The following CEMIP variants were observed in gnomAD, a reference collection of about 807,000 sequenced individuals.
The protein encoded by CEMIP is cell migration-inducing and hyaluronan-binding protein.
CEMIP carries 105 observed loss-of-function variants against 156.9 expected under a neutral mutation model. That is an observed-to-expected ratio of 0.67 (90% CI 0.57 to 0.79). CEMIP has a LOEUF of 0.79. Ranked by LOEUF, CEMIP falls within the 30% of genes least tolerant of loss-of-function variation. The pLI is 0.00. For synonymous variants in CEMIP, 676 were observed against 668.4 expected, an observed-to-expected ratio of 1.01 and a Z score of -0.17; for missense variants, 1,457 against 1,769.4, an observed-to-expected ratio of 0.82 and a Z score of 3.17.
At chr15:80,798,088 T>G (rs1350230431) in intron 1 of CEMIP, among the ~76,000 whole-genome samples, 1 of 152,308 alleles carries the variant, frequency 6.6e-6, no homozygotes. Flanking sequence ...ATATTACACA[T>G]TTTTCCATTA....
intron 9 of CEMIP, 62 bp downstream of exon 9, chr15:80,888,858 T>C (rs986830896): frequency 6.1e-5 from 83 of 1,351,032 alleles, no homozygotes; most frequent in Non-Finnish European, 8.2e-5. Flanking sequence ...GAAATCACTG[T>C]CTTTGCAGAA....
chr15:80,829,038 G>A (rs1027297961), intron 1 of CEMIP, among the ~76,000 whole-genome samples: 1 of 152,206 alleles, frequency 6.6e-6, no homozygotes, highest in African/African-American at 2.4e-5. Context: ...CTCATGCTGG[G>A]GACCCACAGT....
At chr15:80,865,262 A>G (rs1380096249) in intron 1 of CEMIP, among the ~76,000 whole-genome samples, 8 of 151,886 alleles carry the variant, frequency 5.3e-5, no homozygotes, top group Non-Finnish European at 5.9e-5. Flanking sequence ...GCTCACTATA[A>G]CCTTTGCCTC....
At position 80,936,626 on chromosome 15, in the gene CEMIP, A is replaced by C. The variant is rs369164751; in HGVS notation, c.3010-48A>C. 3.0e-5 allele frequency: 46 copies of C among 1,510,152 alleles called. No homozygotes were observed. In the African/African-American group the frequency reaches 5.8e-4, roughly 19 times the overall value. The allele number at this position is 1,510,152 out of a possible 1,614,324, so 93.5% of individuals were successfully genotyped here. A position where few individuals can be genotyped will look rare whatever the true frequency, so the allele number is the denominator to read the frequency against. ...ATGTTAGCCAGACGCTCTTGGAATA[A>C]TCCTTCGTAATAGCCTCATTGTGTG... On this transcript the variant is annotated intron_variant, in intron 23 of 29. Transcript: ENST00000394685.
At chr15:80,848,048 A>T (rs985328555) in intron 1 of CEMIP, among the ~76,000 whole-genome samples, 1 of 152,204 alleles carries the variant, frequency 6.6e-6, no homozygotes, top group Non-Finnish European at 1.5e-5. Context: ...CTGTAGCAAA[A>T]TGTGGCAGGT....
At chr15:80,820,264 T>C (rs1158050907) in intron 1 of CEMIP, among the ~76,000 whole-genome samples, 1 of 152,322 alleles carries the variant, frequency 6.6e-6, no homozygotes, top group East Asian at 1.9e-4. Context: ...CAGAGGAAAG[T>C]GGGCAGCCTG....
chr15:80,930,045 A>G (rs936924569), intron 21 of CEMIP, among the ~76,000 whole-genome samples: 59 of 152,244 alleles, frequency 3.9e-4, no homozygotes, highest in African/African-American at 1.3e-3. Flanking sequence ...GCCTGTGAGC[A>G]GCATGGTAGT....
At chr15:80,900,655 T>C (rs1337724563) in intron 12 of CEMIP, among the ~76,000 whole-genome samples, 4 of 145,738 alleles carry the variant, frequency 2.7e-5, no homozygotes, top group African/African-American at 1.1e-4. Flanking sequence ...TGTGTCTGTG[T>C]GTGTGTCTGT....
intron 14 of CEMIP, among the ~76,000 whole-genome samples, chr15:80,911,548 CACACACA>C (rs1567096866): frequency 2.6e-5 from 4 of 152,148 alleles, no homozygotes; most frequent in African/African-American, 9.7e-5. Flanking sequence ...CACACACACA[CACACACA>C]CCCTGGAGTG....
chr15:80,912,080 C>A (rs1192998813), intron 14 of CEMIP, among the ~76,000 whole-genome samples: 1 of 123,776 alleles, frequency 8.1e-6, no homozygotes, highest in Non-Finnish European at 1.7e-5. Flanking sequence ...GCTGGGAGAG[C>A]TGGGAGAGGC....
chr15:80,788,727 A>T (rs190297441), intron 1 of CEMIP, among the ~76,000 whole-genome samples: 202 of 152,142 alleles, frequency 1.3e-3, no homozygotes, highest in African/African-American at 4.6e-3. Context: ...TTTTAGATCC[A>T]TTTGCATGTT....
At position 80,932,845 on chromosome 15, in the gene CEMIP, TGTGTAA is replaced by T. The variant is rs1343858285; in HGVS notation, c.2794-399_2794-394del. On this transcript the variant is annotated intron_variant, in intron 22 of 29. Transcript: ENST00000394685. This position sits in a 1 kb window ranked among gnomAD's most constrained non-coding sequence, Gnocchi z 4.5. ...ATGCCCCCGTGTATGTGTGTGTGTA[TGTGTAA>T]AAGTGTGTGTACCCTTTCTCATACA... Among the ~76,000 whole-genome samples the T allele has an allele frequency of 3.3e-5, 5 of 152,182 alleles. No individual in the cohort carries two copies. The highest frequency in any genetic ancestry group is 9.7e-5 in the African/African-American group (4 of 41,432).
chr15:80,784,580 G>T (rs1318982025), intron 1 of CEMIP, among the ~76,000 whole-genome samples: 1 of 152,206 alleles, frequency 6.6e-6, no homozygotes, highest in Non-Finnish European at 1.5e-5. Flanking sequence ...GTTCCTTGGG[G>T]ACTGCTTGCT....
At chr15:80,922,997 A>T (rs1005906969) in intron 17 of CEMIP, among the ~76,000 whole-genome samples, 1 of 152,248 alleles carries the variant, frequency 6.6e-6, no homozygotes, top group Non-Finnish European at 1.5e-5. Flanking sequence ...CGTTCCTCAA[A>T]GGGAACAATA....
intron 1 of CEMIP, among the ~76,000 whole-genome samples, chr15:80,870,825 C>A (rs75838200): frequency 0.019 from 2,959 of 152,232 alleles, 96 homozygotes; most frequent in African/African-American, 0.068. Context: ...AAAAGGGTGC[C>A]TACATTTTCT....
At chr15:80,929,288 A>G in intron 21 of CEMIP, 114 bp downstream of exon 21, 1 of 1,289,426 alleles carries the variant, frequency 7.8e-7, no homozygotes, top group Non-Finnish European at 1.1e-6. Flanking sequence ...TTCTTCTACC[A>G]GCCAGAGGAA....
In CEMIP at chr15:80,924,667, CCAAGGA is replaced by C; in HGVS notation, c.2254_2259del (p.Asp752_Lys753del). The C allele has an allele frequency of 6.2e-7, 1 of 1,614,186 alleles. No individual in the cohort carries two copies. Among genetic ancestry groups the C allele is most frequent in the Non-Finnish European group, 8.5e-7 (1 of 1,180,034 alleles). On this transcript the variant is annotated inframe_deletion, in exon 18 of 30. Coordinates refer to ENST00000394685, the MANE Select transcript of CEMIP (RefSeq NM_001293298.2). ...GGAGTCAAAACCACCGAGGCCTCTG[CCAAGGA>C]CAAGCGGCCGTTCCTCTCAATCATC...
At position 80,933,331 on chromosome 15, in the gene CEMIP, C is replaced by T. The variant is rs779315054; in HGVS notation, c.2880C>T (p.Asp960=). 77 of 1,614,012 alleles carry T rather than the reference C, an allele frequency of 4.8e-5. No individual in the cohort carries two copies. Among genetic ancestry groups the T allele is most frequent in the Non-Finnish European group, 5.8e-5 (69 of 1,180,012 alleles). Residue 960 remains aspartate (D), a synonymous_variant, in exon 23 of 30, where the codon GAC becomes GAT. Transcript: ENST00000394685. ...MDGDKTSVFH[D]VDGSVSEYPG... is the part of the protein sequence containing the mutation. ...GGGATAAGACATCTGTGTTCCATGACGTCGACGGCTCCGTGTCCGAGTACC... is the reference window on the plus strand; with the variant it reads ...GGGATAAGACATCTGTGTTCCATGATGTCGACGGCTCCGTGTCCGAGTACC...
Position 80,942,296 on chromosome 15 carries a change from C to G in CEMIP, c.3658C>G (p.Gln1220Glu), listed in dbSNP as rs1490658134. 5 of 1,614,046 alleles carry G rather than the reference C, an allele frequency of 3.1e-6. No homozygotes were observed. The African/African-American group carries it at 4.0e-5, about 13-fold the overall frequency. The change falls in exon 27 of 30, where the codon CAG becomes GAG. Residue 1220 changes from glutamine to glutamate, a missense_variant. By Grantham distance (29) the Gln-to-Glu change is conservative (BLOSUM62 2). Around this residue, in one of 5 missense-constraint regions of CEMIP, gnomAD observed 798 missense variants for 980.1 expected, o/e 0.81. Coordinates refer to ENST00000394685, the MANE Select transcript of CEMIP (RefSeq NM_001293298.2). ...FLEVKMESSK[Q>E]HFFHLWNDFA... ...GGAGGTGAAGATGGAGAGTTCCAAG[C>G]AGCACTTCTTCCACCTCTGGAACGA...
Sources: allele counts gnomAD v4.1 joint callset (sites outside exome capture counted in the v4.1 genomes callset), GRCh38; gene constraint gnomAD v4.1.1; regional missense constraint gnomAD v4.1.1; non-coding constraint Gnocchi (gnomAD v3.1); transcripts MANE v1.5; gene names NCBI Gene and HGNC (gene_info 2026-07-23, HGNC 2026-07-21).